The following CFAP65 variants were observed in gnomAD, a reference collection of about 807,000 sequenced individuals.
CFAP65 encodes the protein cilia- and flagella-associated protein 65.
CFAP65 carries 155 observed loss-of-function variants against 208.0 expected under a neutral mutation model. The ratio of observed to expected loss-of-function variants is 0.75; its 90% CI spans 0.65 to 0.85. The LOEUF (loss-of-function observed/expected upper bound fraction) is 0.85. Ranked by LOEUF, CFAP65 falls within the 40% of genes least tolerant of loss-of-function variation. The probability of loss-of-function intolerance (pLI) is 0.00; values close to 1 mark genes in which losing one functional copy is unlikely to be tolerated. For missense variants in CFAP65, 2,294 were observed against 2,451.3 expected, an observed-to-expected ratio of 0.94 and a Z score of 1.36; for synonymous variants, 970 against 986.3, an observed-to-expected ratio of 0.98 and a Z score of 0.31.
In CFAP65 at chr2:219,011,069, C is replaced by T; in HGVS notation, c.3958-73G>A. 6.3e-6 allele frequency: 9 copies of T among 1,424,568 alleles called. No homozygotes were observed. The South Asian group carries it at 1.2e-4, about 19-fold the overall frequency. 88.2% of individuals were successfully genotyped at this position (1,424,568 alleles called of 1,614,324 possible). A position where few individuals can be genotyped will look rare whatever the true frequency, so the allele number is the denominator to read the frequency against. On this transcript the variant is annotated intron_variant, in intron 24 of 34. Transcript: ENST00000341552. ...AAATCAGAAAGCCTGGGATGCTGTG[C>T]CCACTGTGGGAGGGCAGGCTGATCT...
At position 219,003,259 on chromosome 2, in the gene CFAP65, C is replaced by T; in HGVS notation, c.5569G>A (p.Ala1857Thr). Residue 1857 changes from alanine to threonine, a missense_variant, in exon 34 of 35, where the codon GCC becomes ACC. Ala to Thr is a moderately conservative substitution (Grantham distance 58, BLOSUM62 0). Around this residue, in one of 2 missense-constraint regions of CFAP65, gnomAD observed 1,427 missense variants for 1,438.7 expected, o/e 0.99. Transcript: ENST00000341552. This position sits in a 1 kb window ranked among gnomAD's most constrained non-coding sequence, Gnocchi z 4.4. ...TCCAGCAGCGCCTCCTGCAGGTTGG[C>T]GAAGGCCGGGAGCCTGCGAGGGGGC... ...KEAIRRLPAF[A>T]NLQEALLENM... is the part of the protein sequence containing the mutation. 2 of 1,541,784 alleles carry T rather than the reference C, an allele frequency of 1.3e-6. No homozygotes were observed. Among genetic ancestry groups the T allele is most frequent in the Non-Finnish European group, 1.8e-6 (2 of 1,142,582 alleles).
Position 219,009,415 on chromosome 2 carries a change from C to A in CFAP65, c.4498G>T (p.Val1500Phe). The A allele has an allele frequency of 6.2e-7, 1 of 1,612,698 alleles. No homozygotes were observed. The highest frequency in any genetic ancestry group is 8.5e-7 in the Non-Finnish European group (1 of 1,179,960). Reference sequence around the variant, plus strand: ...GCCCTCAAGGTCACCACAAATGGGACCGTCTCTTCAGGAGCCACCACCCCT... The same window carrying A: ...GCCCTCAAGGTCACCACAAATGGGAACGTCTCTTCAGGAGCCACCACCCCT... The part of the protein sequence containing the change: ...MIGVVAPEET[V>F]PFVVTLRASV... The change falls in exon 28 of 35, where the codon GTC becomes TTC. Residue 1500 changes from valine to phenylalanine, a missense_variant. Physicochemically the swap from Val to Phe is conservative, Grantham distance 50. Around this residue, in one of 2 missense-constraint regions of CFAP65, gnomAD observed 1,427 missense variants for 1,438.7 expected, o/e 0.99. Transcript: ENST00000341552.
chr2:219,031,246 G>C lies in CFAP65; in HGVS notation c.875C>G (p.Thr292Arg). ...FSSPFQMLPA[T>R]GLLEPGQASQ... The stretch of plus-strand genomic sequence containing the variant: ...GGCCTGGCCTGGCTCCAGGAGCCCC[G>C]TGGCGGGCAGCATCTGGAATGGGCT... Residue 292 changes from threonine to arginine, a missense_variant, in exon 8 of 35, where the codon ACG (threonine) becomes AGG (arginine). Transcript: ENST00000341552. The surrounding 1 kb of genome is among the most constrained non-coding windows in gnomAD (Gnocchi z 5.2). 3 of 1,613,828 alleles carry C rather than the reference G, an allele frequency of 1.9e-6. No homozygotes were observed. The highest frequency in any genetic ancestry group is 2.5e-6 in the Non-Finnish European group (3 of 1,179,928).
chr2:219,029,284 C>T, intron 11 of CFAP65, 119 bp downstream of exon 11: 1 of 1,331,402 alleles, frequency 7.5e-7, no homozygotes, highest in Non-Finnish European at 1.0e-6. Context: ...TGGGAGACCA[C>T]CAGGCAGACA....
intron 30 of CFAP65, 110 bp from the exon 31 acceptor site, chr2:219,006,333 G>A: frequency 1.4e-6 from 2 of 1,477,604 alleles, no homozygotes; most frequent in Non-Finnish European, 1.9e-6. Context: ...ACATAAGCGT[G>A]TGACCCCACT....
chr2:219,031,394 A>ACCCTACCC lies in CFAP65; in HGVS notation c.815+87_816-90dup. 1 of 1,606,580 alleles carries ACCCTACCC rather than the reference A, an allele frequency of 6.2e-7. No individual in the cohort carries two copies. The highest frequency in any genetic ancestry group is 1.1e-5 in the South Asian group (1 of 90,160). ...GGGATGCTGGGCAGAACCTCAGACT[A>ACCCTACCC]CCCTACCCCGACAAGGGTATGCCTG... On this transcript the variant is annotated intron_variant, in intron 7 of 34. Transcript: ENST00000341552. This position sits in a 1 kb window ranked among gnomAD's most constrained non-coding sequence, Gnocchi z 5.2.
In CFAP65 at chr2:219,003,280, G is replaced by A. The variant is rs2106033853; in HGVS notation, c.5556-8C>T. ...TTGGCGAAGGCCGGGAGCCTGCGAG[G>A]GGGCGGGGGCTAGCATGAGGGCGGC... On this transcript the variant is annotated splice_polypyrimidine_tract_variant and splice_region_variant and intron_variant, in intron 33 of 34. Transcript: ENST00000341552. The surrounding 1 kb of genome is among the most constrained non-coding windows in gnomAD (Gnocchi z 4.4). 1.3e-6 allele frequency: 2 copies of A among 1,525,970 alleles called. No individual in the cohort carries two copies. The highest frequency in any genetic ancestry group is 1.8e-6 in the Non-Finnish European group (2 of 1,134,408). 94.5% of individuals were successfully genotyped at this position (1,525,970 alleles called of 1,614,324 possible). A position where few individuals can be genotyped will look rare whatever the true frequency, so the allele number is the denominator to read the frequency against.
Position 219,021,780 on chromosome 2 carries a change from C to T in CFAP65, c.3130G>A (p.Ala1044Thr), listed in dbSNP as rs898092295. 5.6e-6 allele frequency: 9 copies of T among 1,613,322 alleles called. No individual in the cohort carries two copies. The highest frequency in any genetic ancestry group is 1.3e-5 in the African/African-American group (1 of 75,042). ...CCAGTCCCAGCTCAGGCCCAAGTAC[C>T]GAGGGGGTGGTTGTCAACGGCCTCA... is the stretch of plus-strand genomic sequence containing the variant. ...SPEAVDNHPL[A>T]LQLDRTEGSM... Residue 1044 changes from alanine (A) to threonine (T), a missense_variant and splice_region_variant, in exon 18 of 35, where the codon GCT (alanine) becomes ACT (threonine). Ala to Thr is a moderately conservative substitution (Grantham distance 58, BLOSUM62 0). This residue lies in a region of CFAP65 where 1,427 missense variants were observed against 1,438.7 expected (regional missense o/e 0.99). Transcript: ENST00000341552.
In CFAP65 at chr2:219,031,539, C is replaced by T. The variant is rs2106236473; in HGVS notation, c.765G>A (p.Met255Ile). ...ICRPPSLQLP[M>I]CAVGDTTEAF... is the part of the protein sequence containing the mutation. ...CCTCAGTCGTATCTCCCACAGCACA[C>T]ATGGGCAGCTGCAGGGATGGTGGGC... is the stretch of plus-strand genomic sequence containing the variant. Residue 255 changes from methionine to isoleucine, a missense_variant, in exon 7 of 35, where the codon ATG (methionine) becomes ATA (isoleucine). Physicochemically the swap from Met to Ile is conservative, Grantham distance 10 (BLOSUM62 1). Coordinates refer to ENST00000341552, the MANE Select transcript of CFAP65 (RefSeq NM_194302.4). This position sits in a 1 kb window ranked among gnomAD's most constrained non-coding sequence, Gnocchi z 5.2. 1 of 1,614,242 alleles carries T rather than the reference C, an allele frequency of 6.2e-7. No homozygotes were observed.
In CFAP65 at chr2:219,031,695, AGT is replaced by A; in HGVS notation, c.646-39_646-38del. On this transcript the variant is annotated intron_variant, in intron 6 of 34. Transcript: ENST00000341552. The surrounding 1 kb of genome is among the most constrained non-coding windows in gnomAD (Gnocchi z 5.2). Reference sequence around the variant, plus strand: ...GGCGGGGCAGGGGCAGTCACCCATCAGTGGCATTCAGGGACTGCACATCCCGC... The same window carrying A: ...GGCGGGGCAGGGGCAGTCACCCATCAGGCATTCAGGGACTGCACATCCCGC... The A allele has an allele frequency of 6.4e-7, 1 of 1,565,710 alleles. No individual in the cohort carries two copies. The highest frequency in any genetic ancestry group is 8.7e-7 in the Non-Finnish European group (1 of 1,153,678).
At position 219,003,300 on chromosome 2, in the gene CFAP65, G is replaced by C. The variant is rs1337934742; in HGVS notation, c.5556-28C>G. On this transcript the variant is annotated intron_variant, in intron 33 of 34. Transcript: ENST00000341552. The surrounding 1 kb of genome is among the most constrained non-coding windows in gnomAD (Gnocchi z 4.4). ...GCGAGGGGGCGGGGGCTAGCATGAG[G>C]GCGGCCGCAGTGCCCGCGCGCCTCC... 4 of 1,493,938 alleles carry C rather than the reference G, an allele frequency of 2.7e-6. No homozygotes were observed. The highest frequency in any genetic ancestry group is 3.6e-6 in the Non-Finnish European group (4 of 1,119,840). The allele number at this position is 1,493,938 out of a possible 1,614,324, so 92.5% of individuals were successfully genotyped here. A position where few individuals can be genotyped will look rare whatever the true frequency, so the allele number is the denominator to read the frequency against.
At chr2:219,022,932 C>T (rs1252626389) in intron 16 of CFAP65, among the ~76,000 whole-genome samples, 1 of 152,238 alleles carries the variant, frequency 6.6e-6, no homozygotes, top group Admixed American at 6.5e-5. Flanking sequence ...AGGTGACATG[C>T]CTCTCAGGCC....
chr2:219,040,891 G>A (rs1166230706), intron 1 of CFAP65, among the ~76,000 whole-genome samples: 2 of 152,222 alleles, frequency 1.3e-5, no homozygotes, highest in South Asian at 2.1e-4. Flanking sequence ...CTCCTCGCCT[G>A]TAAAATGTGG....
chr2:219,016,574 C>T (rs956678347), intron 21 of CFAP65, among the ~76,000 whole-genome samples: 2 of 152,014 alleles, frequency 1.3e-5, no homozygotes, highest in East Asian at 1.9e-4. Context: ...AGATTACAGG[C>T]GTGAGCCACC....
In CFAP65 at chr2:219,022,212, T is replaced by G. The variant is rs370621329; in HGVS notation, c.2938A>C (p.Met980Leu). The G allele has an allele frequency of 3.1e-6, 5 of 1,606,386 alleles. No homozygotes were observed. The African/African-American group carries it at 5.3e-5, about 17-fold the overall frequency. ...AGCCCAACGCCCACCAGCCGGAGCA[T>G]GTAGTGGGTGGTGGCAGCGGGGTTG... Reference protein sequence around the residue: ...NANPAATTHYMLRLVGVGLTS... With the variant: ...NANPAATTHYLLRLVGVGLTS... The change falls in exon 17 of 35, where the codon ATG becomes CTG. Residue 980 changes from methionine to leucine, a missense_variant. Around this residue, in one of 2 missense-constraint regions of CFAP65, gnomAD observed 1,427 missense variants for 1,438.7 expected, o/e 0.99. Transcript: ENST00000341552.
chr2:219,019,480 C>T (rs1381788964), intron 20 of CFAP65, 26 bp downstream of exon 20: 3 of 1,591,976 alleles, frequency 1.9e-6, no homozygotes, highest in Admixed American at 1.7e-5. Flanking sequence ...CCCCCAGCCC[C>T]CACCCCCACT....
chr2:219,035,758 C>T lies in CFAP65; in HGVS notation c.358-94G>A, dbSNP rs1191549425. ...AGAACAGGTGAAGGTCTTCGTCCTC[C>T]ACCACCAAGAAAATAAAAGACAAGA... On this transcript the variant is annotated intron_variant, in intron 4 of 34. Transcript: ENST00000341552. The T allele has an allele frequency of 4.6e-5, 69 of 1,499,540 alleles. No homozygotes were observed. In the East Asian group the frequency reaches 1.5e-3, roughly 33 times the overall value. 92.9% of individuals were successfully genotyped at this position (1,499,540 alleles called of 1,614,324 possible). A position where few individuals can be genotyped will look rare whatever the true frequency, so the allele number is the denominator to read the frequency against.
rs916509707 is a variant in CFAP65, at chr2:219,009,062, G to A, written c.4659C>T (p.Thr1553=). Residue 1553 remains threonine, a synonymous_variant, in exon 29 of 35, where the codon ACC becomes ACT. Coordinates refer to ENST00000341552, the MANE Select transcript of CFAP65 (RefSeq NM_194302.4). ...CCCTCCTCACCTTCACTTTCATGTC[G>A]GTGATGGTGAACTCCACTTCCTGCC... ...KVRQEVEFTI[T]DMKVKKRTCC... is the part of the protein sequence containing the mutation. 28 of 1,611,942 alleles carry A rather than the reference G, an allele frequency of 1.7e-5. No homozygotes were observed. The highest frequency in any genetic ancestry group is 1.6e-4 in the African/African-American group (12 of 74,904).
rs1945750319 is a variant in CFAP65 at position 219,003,863 on chromosome 2, G to A, written c.5555+89C>T. 31 of 1,481,832 alleles carry A rather than the reference G, an allele frequency of 2.1e-5. No homozygotes were observed. The highest frequency in any genetic ancestry group is 2.8e-5 in the Non-Finnish European group (31 of 1,088,764). The allele number at this position is 1,481,832 out of a possible 1,614,324, so 91.8% of individuals were successfully genotyped here. ...TGAATTAGGATGAGATGTGCATACA[G>A]GCAGCAGCCATCCTTGGCATCCCAC... is the stretch of plus-strand genomic sequence containing the variant. On this transcript the variant is annotated intron_variant, in intron 33 of 34. Transcript: ENST00000341552. This position sits in a 1 kb window ranked among gnomAD's most constrained non-coding sequence, Gnocchi z 4.4.
Sources: gnomAD v4.1 joint callset for allele counts (sites outside exome capture counted in the v4.1 genomes callset) on GRCh38, gnomAD v4.1.1 for gene constraint, gnomAD v4.1.1 regional missense constraint, Gnocchi (gnomAD v3.1) non-coding constraint, MANE v1.5 for transcripts, NCBI Gene and HGNC (gene_info 2026-07-23, HGNC 2026-07-21) for gene names.